The following TRAPPC9 variants were observed in gnomAD, a reference collection of about 807,000 sequenced individuals.
TRAPPC9 encodes the protein IKK2 binding protein.
A neutral mutation model predicts 124.0 loss-of-function variants in TRAPPC9; 83 were observed. The observed-to-expected ratio is 0.67, with a 90% CI of 0.56 to 0.80. TRAPPC9 has a LOEUF of 0.80. Among genes scored for constraint, TRAPPC9 ranks in the 30% least tolerant of loss-of-function variants. The probability of loss-of-function intolerance (pLI) is 0.00; values close to 1 mark genes in which losing one functional copy is unlikely to be tolerated. For missense variants in TRAPPC9, 1,302 were observed against 1,508.3 expected, an observed-to-expected ratio of 0.86 and a Z score of 2.27; for synonymous variants, 638 against 617.5, an observed-to-expected ratio of 1.03 and a Z score of -0.49.
intron 5 of TRAPPC9, among the ~76,000 whole-genome samples, chr8:140,410,226 G>T (rs557262303): frequency 6.6e-6 from 1 of 151,164 alleles, no homozygotes; most frequent in Non-Finnish European, 1.5e-5. Context: ...TTGATTTTTG[G>T]AATCATATTA....
chr8:139,826,843 C>A (rs1185846339), intron 21 of TRAPPC9, among the ~76,000 whole-genome samples: 1 of 152,150 alleles, frequency 6.6e-6, no homozygotes, highest in African/African-American at 2.4e-5. Flanking sequence ...TGGTACAGGT[C>A]CCTGTGGGAG....
chr8:140,053,457 A>G (rs1842115503), intron 17 of TRAPPC9, among the ~76,000 whole-genome samples: 1 of 152,228 alleles, frequency 6.6e-6, no homozygotes, highest in South Asian at 2.1e-4. Context: ...TAAATTTGGT[A>G]AGACTTACTT....
intron 17 of TRAPPC9, among the ~76,000 whole-genome samples, chr8:140,089,378 T>C (rs926133310): frequency 2.0e-5 from 3 of 152,174 alleles, no homozygotes; most frequent in Non-Finnish European, 2.9e-5. Context: ...AGAAAGACCA[T>C]AGGGTATATA....
At chr8:139,900,531 TCTTC>T (rs1431391704) in intron 20 of TRAPPC9, among the ~76,000 whole-genome samples, 1 of 152,220 alleles carries the variant, frequency 6.6e-6, no homozygotes, top group East Asian at 1.9e-4. Context: ...CAGTAGTCAT[TCTTC>T]CTTATTTATC....
chr8:139,913,953 C>T (rs1831930899), intron 19 of TRAPPC9: 1 of 152,542 alleles, frequency 6.6e-6, no homozygotes, highest in African/African-American at 2.4e-5. Flanking sequence ...TGACTGTTAA[C>T]CCGGAAAACT....
chr8:140,269,106 T>C (rs56178566), intron 15 of TRAPPC9, among the ~76,000 whole-genome samples: 37,468 of 148,040 alleles, frequency 0.25, 5,053 homozygotes, highest in African/African-American at 0.36. Flanking sequence ...CCTCACTAAA[T>C]GGTACACGAG....
intron 8 of TRAPPC9, among the ~76,000 whole-genome samples, chr8:140,363,634 G>A (rs941254692): frequency 6.7e-6 from 1 of 148,226 alleles, no homozygotes; most frequent in Non-Finnish European, 1.5e-5. Context: ...TTTCACTCTT[G>A]TTGCCCAGGC....
intron 17 of TRAPPC9, among the ~76,000 whole-genome samples, chr8:140,157,689 T>G (rs1414621090): frequency 6.6e-6 from 1 of 151,770 alleles, no homozygotes; most frequent in Non-Finnish European, 1.5e-5. Flanking sequence ...CAGTAATCTT[T>G]CTTTAAAAAA....
chr8:139,932,183 A>G (rs1223273564), intron 19 of TRAPPC9: 2 of 396,710 alleles, frequency 5.0e-6, no homozygotes, highest in African/African-American at 4.1e-5. Context: ...AGGGAGGAAC[A>G]AGGAGAAACC....
chr8:139,748,298 T>C (rs188461951), intron 21 of TRAPPC9, among the ~76,000 whole-genome samples: 1,010 of 25,728 alleles, frequency 0.039, 25 homozygotes, highest in African/African-American at 0.14. Flanking sequence ...GAGGGTGTCC[T>C]GGGGTCAGAG....
chr8:140,411,626 G>A (rs552342468), intron 5 of TRAPPC9, among the ~76,000 whole-genome samples: 110 of 152,316 alleles, frequency 7.2e-4, no homozygotes, highest in African/African-American at 2.6e-3. Flanking sequence ...ACAGGTATGA[G>A]CCACCGTGCC....
chr8:139,812,433 C>A (rs1045188313), intron 21 of TRAPPC9, among the ~76,000 whole-genome samples: 2 of 152,142 alleles, frequency 1.3e-5, no homozygotes, highest in African/African-American at 4.8e-5. Context: ...CCAGCGTACT[C>A]TATTTGGCAT....
chr8:139,939,598 G>A (rs1345705618), intron 19 of TRAPPC9, among the ~76,000 whole-genome samples: 1 of 152,184 alleles, frequency 6.6e-6, no homozygotes, highest in Non-Finnish European at 1.5e-5. Flanking sequence ...AAGCACCCCT[G>A]TCGTGGGGCT....
chr8:140,348,338 A>T (rs2067412172), intron 9 of TRAPPC9, among the ~76,000 whole-genome samples: 2 of 152,220 alleles, frequency 1.3e-5, no homozygotes, highest in South Asian at 4.1e-4. Context: ...GAGATACAAC[A>T]AACAAACCTG....
intron 8 of TRAPPC9, among the ~76,000 whole-genome samples, chr8:140,369,210 T>C (rs544974507): frequency 1.8e-4 from 27 of 152,260 alleles, no homozygotes; most frequent in South Asian, 8.3e-4. Context: ...GGGAAGATGG[T>C]TGAACAGTAA....
Position 139,799,613 on chromosome 8 carries a change from A to G in TRAPPC9, c.3056-67411T>C, listed in dbSNP as rs550500468. Among the ~76,000 whole-genome samples, 8 of 152,132 alleles carry G rather than the reference A, an allele frequency of 5.3e-5. No homozygotes were observed. The East Asian group carries it at 1.5e-3, about 29-fold the overall frequency. ...GGGTTCCATCAGACCCTGTATCCCC[A>G]ATTCCACATCACCCCCCATGAAAAT... On this transcript the variant is annotated intron_variant, in intron 21 of 22. Transcript: ENST00000438773.
intron 19 of TRAPPC9, among the ~76,000 whole-genome samples, chr8:139,957,685 G>C (rs1307894808): frequency 6.6e-6 from 1 of 152,220 alleles, no homozygotes; most frequent in Admixed American, 6.5e-5. Flanking sequence ...CCCGGCACCA[G>C]GTGCATGCCA....
At chr8:139,770,267 C>T (rs746601770) in intron 21 of TRAPPC9, among the ~76,000 whole-genome samples, 11 of 152,368 alleles carry the variant, frequency 7.2e-5, no homozygotes, top group Admixed American at 5.9e-4. Flanking sequence ...TGCCACCTCC[C>T]GACCTTGTAT....
chr8:140,045,525 G>A (rs1841527846), intron 17 of TRAPPC9, among the ~76,000 whole-genome samples: 1 of 150,544 alleles, frequency 6.6e-6, no homozygotes, highest in African/African-American at 2.4e-5. Context: ...TACTCGGGAA[G>A]GTGAGGCAGG....
Sources: gnomAD v4.1 joint callset for allele counts (sites outside exome capture counted in the v4.1 genomes callset) on GRCh38, gnomAD v4.1.1 for gene constraint, MANE v1.5 for transcripts, NCBI Gene and HGNC (gene_info 2026-07-23, HGNC 2026-07-21) for gene names.